HIVEP2: variants seen among roughly 807,000 people sequenced by gnomAD.
The protein encoded by HIVEP2 is HIVEP zinc finger 2.
A neutral mutation model predicts 180.7 loss-of-function variants in HIVEP2; 14 were observed. The ratio of observed to expected loss-of-function variants is 0.08; its 90% CI spans 0.05 to 0.12. The LOEUF (loss-of-function observed/expected upper bound fraction) is 0.12, where lower values mean the gene tolerates loss of function less well. Ranked by LOEUF, HIVEP2 falls within the 10% of genes least tolerant of loss-of-function variation. The probability of loss-of-function intolerance (pLI) is 1.00; values close to 1 mark genes in which losing one functional copy is unlikely to be tolerated. For missense variants in HIVEP2, 2,579 were observed against 3,008.5 expected, an observed-to-expected ratio of 0.86 and a Z score of 3.34; for synonymous variants, 1,184 against 1,136.4, an observed-to-expected ratio of 1.04 and a Z score of -0.84.
chr6:142,774,979 A>T lies in HIVEP2; in HGVS notation c.-241T>A. ...CTCTCCATTGTAGAAACGTCCATCC[A>T]AAAGCTAAGTGCAAATCTATAAAGA... is the stretch of plus-strand genomic sequence containing the variant. On this transcript the variant is annotated 5_prime_UTR_variant, in exon 5 of 10. Coordinates refer to ENST00000367603, the MANE Select transcript of HIVEP2 (RefSeq NM_006734.4). This position sits in a 1 kb window ranked among gnomAD's most constrained non-coding sequence, Gnocchi z 5.1. 1 of 1,273,806 alleles carries T rather than the reference A, an allele frequency of 7.9e-7. No homozygotes were observed. The highest frequency in any genetic ancestry group is 2.9e-5 in the South Asian group (1 of 34,302). 78.9% of individuals were successfully genotyped at this position (1,273,806 alleles called of 1,614,324 possible).
chr6:142,877,450 T>C (rs1776472054), intron 1 of HIVEP2, among the ~76,000 whole-genome samples: 1 of 152,184 alleles, frequency 6.6e-6, no homozygotes, highest in South Asian at 2.1e-4. Context: ...GTAAATAATG[T>C]AATATCACAG....
In HIVEP2 at chr6:142,770,017, C is replaced by T. The variant is rs190617929; in HGVS notation, c.4722G>A (p.Thr1574=). The part of the protein sequence containing the change: ...ESSDELDIDE[T]ASDMSMSPQS... The stretch of plus-strand genomic sequence containing the variant: ...GTGGGCTCATGCTCATGTCCGATGC[C>T]GTCTCATCGATATCTAATTCATCTG... The change falls in exon 5 of 10, where the codon ACG becomes ACA. Residue 1574 remains threonine (T), a synonymous_variant. Transcript: ENST00000367603. The surrounding 1 kb of genome is among the most constrained non-coding windows in gnomAD (Gnocchi z 4.7). 77 of 1,614,104 alleles carry T rather than the reference C, an allele frequency of 4.8e-5. No individual in the cohort carries two copies. The African/African-American group carries it at 5.7e-4, about 12-fold the overall frequency.
At chr6:142,821,235 C>T (rs1372486155) in intron 2 of HIVEP2, among the ~76,000 whole-genome samples, 1 of 151,820 alleles carries the variant, frequency 6.6e-6, no homozygotes, top group Non-Finnish European at 1.5e-5. Context: ...GAGACAGCTC[C>T]AGCAGACTGG....
chr6:142,792,816 T>G (rs1776172255), intron 2 of HIVEP2, among the ~76,000 whole-genome samples: 1 of 151,686 alleles, frequency 6.6e-6, no homozygotes, highest in African/African-American at 2.4e-5. Context: ...AAAGCATAAA[T>G]AAGGAATCTG....
chr6:142,763,428 T>A (rs1285006478), intron 7 of HIVEP2, among the ~76,000 whole-genome samples: 1 of 152,200 alleles, frequency 6.6e-6, no homozygotes, highest in Non-Finnish European at 1.5e-5. Flanking sequence ...ATTTTAAGAT[T>A]CTGAGACATT....
intron 9 of HIVEP2, among the ~76,000 whole-genome samples, chr6:142,758,030 C>A (rs957598355): frequency 6.8e-6 from 1 of 146,610 alleles, no homozygotes; most frequent in Non-Finnish European, 1.5e-5. Flanking sequence ...TCATCTAACA[C>A]ACTCTGCCAG....
In HIVEP2 at chr6:142,772,691, C is replaced by T. The variant is rs1456900372; in HGVS notation, c.2048G>A (p.Gly683Glu). The T allele has an allele frequency of 1.2e-6, 2 of 1,614,096 alleles. No individual in the cohort carries two copies. Among genetic ancestry groups the T allele is most frequent in the Non-Finnish European group, 1.7e-6 (2 of 1,180,056 alleles). Residue 683 changes from glycine (G) to glutamate (E), a missense_variant, in exon 5 of 10, where the codon GGA (glycine) becomes GAA (glutamate). By Grantham distance (98) the Gly-to-Glu change is moderately conservative. Around this residue, in one of 11 missense-constraint regions of HIVEP2, gnomAD observed 524 missense variants for 563.6 expected, o/e 0.93. Transcript: ENST00000367603. The surrounding 1 kb of genome is among the most constrained non-coding windows in gnomAD (Gnocchi z 4.9). ...YFMDPVVPLQ[G>E]VPSMFGTTCE... ...GGTAGTTCCAAACATGCTTGGTACT[C>T]CCTGCAATGGCACCACGGGATCCAT...
At chr6:142,941,196 T>G (rs73588423) in intron 1 of HIVEP2, among the ~76,000 whole-genome samples, 7,259 of 152,262 alleles carry the variant, frequency 0.048, 524 homozygotes, top group African/African-American at 0.16. Context: ...GTCTATCTAA[T>G]GTCGATATTC....
chr6:142,874,231 A>C (rs543142298), intron 1 of HIVEP2, among the ~76,000 whole-genome samples: 1 of 152,306 alleles, frequency 6.6e-6, no homozygotes, highest in Non-Finnish European at 1.5e-5. Flanking sequence ...GAATATATAA[A>C]AACTTAAATG....
chr6:142,920,769 C>A (rs867276862), intron 1 of HIVEP2, among the ~76,000 whole-genome samples: 11 of 152,124 alleles, frequency 7.2e-5, no homozygotes, highest in Middle Eastern at 3.4e-3. Context: ...ATCACTTGAG[C>A]CCAGGAGTTC....
chr6:142,769,425 G>T, intron 5 of HIVEP2, 127 bp downstream of exon 5: 1 of 810,476 alleles, frequency 1.2e-6, no homozygotes, highest in Non-Finnish European at 1.9e-6. Flanking sequence ...CAGACTTTCT[G>T]AAAACGCCCC....
intron 3 of HIVEP2, among the ~76,000 whole-genome samples, chr6:142,780,555 G>A (rs992872745): frequency 6.6e-6 from 1 of 152,126 alleles, no homozygotes; most frequent in Non-Finnish European, 1.5e-5. Context: ...GAAAGTGAGC[G>A]ATGGCTTCTT....
intron 1 of HIVEP2, among the ~76,000 whole-genome samples, chr6:142,845,294 AGAC>A (rs1404721638): frequency 6.6e-6 from 1 of 152,194 alleles, no homozygotes; most frequent in Admixed American, 6.5e-5. Flanking sequence ...GGTGTGTCAT[AGAC>A]ACTAGAAGCA....
At chr6:142,815,600 C>G (rs1230452121) in intron 2 of HIVEP2, among the ~76,000 whole-genome samples, 1 of 152,126 alleles carries the variant, frequency 6.6e-6, no homozygotes, top group Non-Finnish European at 1.5e-5. Flanking sequence ...GAATTTCAAG[C>G]TGGGCATGGT....
At chr6:142,829,686 G>C (rs1775024966) in intron 2 of HIVEP2, among the ~76,000 whole-genome samples, 1 of 152,168 alleles carries the variant, frequency 6.6e-6, no homozygotes, top group Non-Finnish European at 1.5e-5. Context: ...AATATTCATT[G>C]AGTTTAAATG....
intron 9 of HIVEP2, among the ~76,000 whole-genome samples, chr6:142,758,625 C>A (rs1346250978): frequency 1.3e-5 from 2 of 152,140 alleles, no homozygotes; most frequent in African/African-American, 4.8e-5. Context: ...ATGCTTTATT[C>A]ATTTTTTAAA....
chr6:142,944,250 C>G (rs1489996126), intron 1 of HIVEP2, among the ~76,000 whole-genome samples: 3 of 152,042 alleles, frequency 2.0e-5, no homozygotes, highest in Non-Finnish European at 4.4e-5. Flanking sequence ...TTCTCATGTC[C>G]TCTGCTGCAC....
At chr6:142,923,937 G>A (rs979034447) in intron 1 of HIVEP2, among the ~76,000 whole-genome samples, 8 of 152,180 alleles carry the variant, frequency 5.3e-5, no homozygotes, top group East Asian at 1.9e-4. Context: ...ATCTCAAACC[G>A]CTAGGTAAAG....
At chr6:142,859,243 G>A (rs1471193247) in intron 1 of HIVEP2, among the ~76,000 whole-genome samples, 3 of 152,060 alleles carry the variant, frequency 2.0e-5, no homozygotes, top group African/African-American at 7.2e-5. Context: ...TACTCTGGGA[G>A]GATCACTTGA....
Sources: allele counts gnomAD v4.1 joint callset (sites outside exome capture counted in the v4.1 genomes callset), GRCh38; gene constraint gnomAD v4.1.1; regional missense constraint gnomAD v4.1.1; non-coding constraint Gnocchi (gnomAD v3.1); transcripts MANE v1.5; gene names NCBI Gene and HGNC (gene_info 2026-07-23, HGNC 2026-07-21).